The following TM9SF2 variants were observed in gnomAD, a reference collection of about 807,000 sequenced individuals.
TM9SF2 encodes the protein transmembrane 9 superfamily member 2, also known as 76 kDa membrane protein.
A neutral mutation model predicts 84.9 loss-of-function variants in TM9SF2; 13 were observed. The ratio of observed to expected loss-of-function variants is 0.15; its 90% CI spans 0.10 to 0.24. The LOEUF (loss-of-function observed/expected upper bound fraction) is 0.24, where lower values mean the gene tolerates loss of function less well. Ranked by LOEUF, TM9SF2 falls within the 10% of genes least tolerant of loss-of-function variation. The pLI, the probability that TM9SF2 is intolerant of heterozygous loss-of-function variation, is 1.00. For synonymous variants in TM9SF2, 273 were observed against 285.8 expected, an observed-to-expected ratio of 0.96 and a Z score of 0.45; for missense variants, 562 against 818.5, an observed-to-expected ratio of 0.69 and a Z score of 3.82.
At chr13:99,518,215 G>T (rs1393840447) in intron 2 of TM9SF2, among the ~76,000 whole-genome samples, 1 of 152,180 alleles carries the variant, frequency 6.6e-6, no homozygotes, top group Admixed American at 6.5e-5. Flanking sequence ...GCGTTCAGGC[G>T]AATCTCCTGC....
intron 2 of TM9SF2, 34 bp downstream of exon 2, chr13:99,517,715 T>G (rs1247201530): frequency 2.8e-6 from 4 of 1,450,452 alleles, no homozygotes; most frequent in Non-Finnish European, 2.8e-6. Flanking sequence ...ATATAAAATT[T>G]TATGTGACTC....
intron 15 of TM9SF2, among the ~76,000 whole-genome samples, chr13:99,556,591 C>CT (rs1278874990): frequency 5.5e-5 from 6 of 108,766 alleles, no homozygotes; most frequent in African/African-American, 1.7e-4. Flanking sequence ...TTTTTTTTTC[C>CT]TTTTTTTCTT....
At chr13:99,556,504 G>A (rs994965879) in intron 15 of TM9SF2, among the ~76,000 whole-genome samples, 4 of 150,480 alleles carry the variant, frequency 2.7e-5, no homozygotes, top group Non-Finnish European at 4.4e-5. Flanking sequence ...GACCTTTTGT[G>A]TGTGGCTTCT....
At chr13:99,547,339 C>A (rs1241893429) in intron 11 of TM9SF2, among the ~76,000 whole-genome samples, 1 of 152,198 alleles carries the variant, frequency 6.6e-6, no homozygotes, top group East Asian at 1.9e-4. Flanking sequence ...TATCCACTAT[C>A]CCCTCCCTCT....
Position 99,547,176 on chromosome 13 carries a change from T to C in TM9SF2, c.1270+72T>C, listed in dbSNP as rs538473872. ...GCTGCGGCTGTGGATCTGACCTGGG[T>C]ATCAGATGGTGATGCTTTGTAAATA... On this transcript the variant is annotated intron_variant, in intron 11 of 16. Coordinates refer to ENST00000376387, the MANE Select transcript of TM9SF2 (RefSeq NM_004800.3). 6.9e-6 allele frequency: 11 copies of C among 1,587,356 alleles called. No homozygotes were observed. In the South Asian group the frequency reaches 1.1e-4, roughly 16 times the overall value.
chr13:99,535,135 GAGCAAGAC>G (rs1424902935), intron 4 of TM9SF2, among the ~76,000 whole-genome samples: 3 of 152,160 alleles, frequency 2.0e-5, no homozygotes, highest in African/African-American at 7.2e-5. Context: ...CTGGGTGACA[GAGCAAGAC>G]CCTGTCTCGA....
chr13:99,516,405 A>G (rs1380054780), intron 1 of TM9SF2, among the ~76,000 whole-genome samples: 1 of 152,266 alleles, frequency 6.6e-6, no homozygotes, highest in South Asian at 2.1e-4. Context: ...TACAGCTCTA[A>G]CTCTATAAAA....
intron 1 of TM9SF2, among the ~76,000 whole-genome samples, chr13:99,514,771 C>T (rs980885242): frequency 8.5e-5 from 13 of 152,176 alleles, no homozygotes; most frequent in African/African-American, 3.1e-4. Context: ...TCCAAGTGCC[C>T]AATAGCCACA....
chr13:99,506,336 G>A (rs925612000), intron 1 of TM9SF2, among the ~76,000 whole-genome samples: 1 of 152,116 alleles, frequency 6.6e-6, no homozygotes, highest in African/African-American at 2.4e-5. Flanking sequence ...AATATTTATC[G>A]ATATGTAGTT....
chr13:99,537,946 T>C, intron 6 of TM9SF2, 83 bp downstream of exon 6: 2 of 1,474,962 alleles, frequency 1.4e-6, no homozygotes, highest in Non-Finnish European at 9.0e-7. Context: ...CAATTACTCC[T>C]TAATATTCTG....
chr13:99,526,566 G>A (rs2046184529), intron 3 of TM9SF2, among the ~76,000 whole-genome samples: 2 of 152,180 alleles, frequency 1.3e-5, no homozygotes, highest in African/African-American at 2.4e-5. Flanking sequence ...TTGGAACAAC[G>A]GGAGGAGGTG....
chr13:99,553,760 G>A (rs565491701), intron 13 of TM9SF2, among the ~76,000 whole-genome samples: 1 of 152,290 alleles, frequency 6.6e-6, no homozygotes, highest in Admixed American at 6.5e-5. Flanking sequence ...ATACCGCCAT[G>A]TAGTGTGTCA....
At chr13:99,540,247 C>G (rs149254747) in intron 7 of TM9SF2, among the ~76,000 whole-genome samples, 1 of 151,720 alleles carries the variant, frequency 6.6e-6, no homozygotes, top group African/African-American at 2.4e-5. Flanking sequence ...TTAATATCCC[C>G]GTATAATGTT....
intron 1 of TM9SF2, 104 bp from the exon 2 acceptor site, chr13:99,517,510 C>T: frequency 9.2e-6 from 6 of 650,068 alleles, no homozygotes; most frequent in East Asian, 3.1e-5. Flanking sequence ...GGAATTATAA[C>T]ATTTTACATT....
chr13:99,545,368 A>G (rs1022686260), intron 10 of TM9SF2, among the ~76,000 whole-genome samples: 1 of 151,886 alleles, frequency 6.6e-6, no homozygotes, highest in Admixed American at 6.6e-5. Flanking sequence ...ACTTAAGGAG[A>G]TACAATTTTG....
At chr13:99,515,834 G>A (rs139830102) in intron 1 of TM9SF2, among the ~76,000 whole-genome samples, 73 of 150,394 alleles carry the variant, frequency 4.9e-4, no homozygotes, top group African/African-American at 1.6e-3. Flanking sequence ...CAGGGTTCAA[G>A]CAATTCTCCT....
intron 11 of TM9SF2, among the ~76,000 whole-genome samples, chr13:99,548,784 C>T (rs552166527): frequency 1.3e-5 from 2 of 152,290 alleles, no homozygotes; most frequent in South Asian, 2.1e-4. Context: ...TCAGGCTTGA[C>T]GGTTCCCAGT....
At chr13:99,552,032 A>C (rs2046307379) in intron 12 of TM9SF2, 135 bp from the exon 13 acceptor site, 1 of 865,368 alleles carries the variant, frequency 1.2e-6, no homozygotes, top group Non-Finnish European at 1.7e-6. Context: ...TTTTACATTC[A>C]GACATCCTGT....
In TM9SF2 at chr13:99,558,692, T is replaced by C. The variant is rs150976324; in HGVS notation, c.1753-671T>C. On this transcript the variant is annotated intron_variant, in intron 15 of 16. Coordinates refer to ENST00000376387, the MANE Select transcript of TM9SF2 (RefSeq NM_004800.3). Reference sequence around the variant, plus strand: ...TATGTTGATCTTATACCCTGCAATTTTGCTGCATTTGTTGATTAGCTGTTG... The same window carrying C: ...TATGTTGATCTTATACCCTGCAATTCTGCTGCATTTGTTGATTAGCTGTTG... Among the ~76,000 whole-genome samples the C allele has an allele frequency of 2.4e-3, 368 of 152,192 alleles. 3 individuals carry two copies. The highest frequency in any genetic ancestry group is 8.5e-3 in the African/African-American group (352 of 41,518).
Sources: allele counts gnomAD v4.1 joint callset (sites outside exome capture counted in the v4.1 genomes callset), GRCh38; gene constraint gnomAD v4.1.1; transcripts MANE v1.5; gene names NCBI Gene and HGNC (gene_info 2026-07-23, HGNC 2026-07-21).